The following PPIC variants were observed in gnomAD, a reference collection of about 807,000 sequenced individuals.
The protein encoded by PPIC is peptidylprolyl isomerase C, also known as peptidyl-prolyl cis-trans isomerase C.
PPIC carries 19 observed loss-of-function variants against 19.5 expected under a neutral mutation model. The observed-to-expected ratio is 0.98, with a 90% CI of 0.68 to 1.43. PPIC has a LOEUF of 1.43. Ranked by LOEUF, PPIC falls within the 40% of genes most tolerant of loss-of-function variation. The pLI is 0.00. For synonymous variants in PPIC, 107 were observed against 101.2 expected, an observed-to-expected ratio of 1.06 and a Z score of -0.34; for missense variants, 268 against 268.6, an observed-to-expected ratio of 1.00 and a Z score of 0.02.
At position 123,025,770 on chromosome 5, in the gene PPIC, ATG is replaced by A; in HGVS notation, c.510+12_510+13del. On this transcript the variant is annotated intron_variant, in intron 4 of 4. Transcript: ENST00000306442. ...AATATAAAGCTTTGAAAGGAAAAAA[ATG>A]TATCAATTTACCATCCCATCAATGA... 2 of 1,607,934 alleles carry A rather than the reference ATG, an allele frequency of 1.2e-6. No homozygotes were observed. The highest frequency in any genetic ancestry group is 2.2e-5 in the South Asian group (2 of 89,012).
chr5:123,036,554 C>T lies in PPIC; in HGVS notation c.72G>A (p.Ser24=). 4 of 1,604,534 alleles carry T rather than the reference C, an allele frequency of 2.5e-6. No homozygotes were observed. The highest frequency in any genetic ancestry group is 1.7e-4 in the Middle Eastern group (1 of 6,040). ...CTCGCTTGCGGAAGCCCTCGGCCCCCGAAGAAAACACAAGTGCGCCGAGCC... is the reference window on the plus strand; with the variant it reads ...CTCGCTTGCGGAAGCCCTCGGCCCCTGAAGAAAACACAAGTGCGCCGAGCC... The part of the protein sequence containing the change: ...CVGLGALVFS[S]GAEGFRKRGP... The change falls in exon 1 of 5, where the codon TCG becomes TCA. Residue 24 remains serine, a synonymous_variant. Transcript: ENST00000306442. This position sits in a 1 kb window ranked among gnomAD's most constrained non-coding sequence, Gnocchi z 4.5.
At chr5:123,035,872 T>G (rs910780829) in intron 1 of PPIC, among the ~76,000 whole-genome samples, 1 of 151,350 alleles carries the variant, frequency 6.6e-6, no homozygotes, top group African/African-American at 2.4e-5. Flanking sequence ...GGTCTACAGG[T>G]GCCGCCTTCG....
chr5:123,024,688 G>T (rs999470439), intron 4 of PPIC, among the ~76,000 whole-genome samples: 1 of 152,224 alleles, frequency 6.6e-6, no homozygotes, highest in Admixed American at 6.5e-5. Context: ...TACTAGCTCA[G>T]TTCCCAAACT....
intron 2 of PPIC, 62 bp downstream of exon 2, chr5:123,029,243 A>T: frequency 6.2e-7 from 1 of 1,613,508 alleles, no homozygotes. Flanking sequence ...CTCAGATGAC[A>T]TCTTTATATT....
chr5:123,026,215 G>A (rs984147295), intron 3 of PPIC, among the ~76,000 whole-genome samples: 5 of 152,248 alleles, frequency 3.3e-5, no homozygotes, highest in Admixed American at 3.3e-4. Context: ...ATACTCTCTG[G>A]CCTCATACCA....
At chr5:123,033,120 A>G (rs1317962198) in intron 1 of PPIC, among the ~76,000 whole-genome samples, 1 of 152,250 alleles carries the variant, frequency 6.6e-6, no homozygotes, top group Non-Finnish European at 1.5e-5. Flanking sequence ...TCAGCAAGTT[A>G]ATTAAACTCT....
At chr5:123,035,186 C>T (rs1201846317) in intron 1 of PPIC, among the ~76,000 whole-genome samples, 2 of 152,158 alleles carry the variant, frequency 1.3e-5, no homozygotes, top group African/African-American at 4.8e-5. Context: ...ATATGCAGTT[C>T]CCTTTGCCTC....
Position 123,025,800 on chromosome 5 carries a change from T to C in PPIC, c.494A>G (p.Lys165Arg). The C allele has an allele frequency of 6.2e-7, 1 of 1,613,190 alleles. No individual in the cohort carries two copies. The highest frequency in any genetic ancestry group is 8.5e-7 in the Non-Finnish European group (1 of 1,179,824). Residue 165 changes from lysine to arginine, a missense_variant, in exon 4 of 5, where the codon AAA becomes AGA. Coordinates refer to ENST00000306442, the MANE Select transcript of PPIC (RefSeq NM_000943.5). ...WLDGKHVVFG[K>R]VIDGMTVVHS... ...TCAATTTACCATCCCATCAATGACT[T>C]TTCCAAACACCACATGTTTGCCGTC...
At chr5:123,034,101 G>A (rs9327284) in intron 1 of PPIC, among the ~76,000 whole-genome samples, 24,469 of 152,168 alleles carry the variant, frequency 0.16, 2,453 homozygotes, top group East Asian at 0.35. Context: ...ATTTTTAAAT[G>A]AAATCAGAGG....
Position 123,023,813 on chromosome 5 carries a change from C to T in PPIC, c.*62G>A. 1 of 1,485,238 alleles carries T rather than the reference C, an allele frequency of 6.7e-7. No individual in the cohort carries two copies. The highest frequency in any genetic ancestry group is 1.4e-5 in the South Asian group (1 of 73,972). 92.0% of individuals were successfully genotyped at this position (1,485,238 alleles called of 1,614,324 possible). On this transcript the variant is annotated 3_prime_UTR_variant, in exon 5 of 5. Coordinates refer to ENST00000306442, the MANE Select transcript of PPIC (RefSeq NM_000943.5). The stretch of plus-strand genomic sequence containing the variant: ...AATAATTGAAAGACAACACAACACA[C>T]ACACACACACACACACACACACACC...
chr5:123,035,729 T>A (rs1457861774), intron 1 of PPIC, among the ~76,000 whole-genome samples: 1 of 152,152 alleles, frequency 6.6e-6, no homozygotes, highest in Non-Finnish European at 1.5e-5. Context: ...TCTCCCTGCA[T>A]TCTCCCATTA....
chr5:123,036,671 G>A lies in PPIC; in HGVS notation c.-46C>T, dbSNP rs370012108. On this transcript the variant is annotated 5_prime_UTR_variant, in exon 1 of 5. Transcript: ENST00000306442. This position sits in a 1 kb window ranked among gnomAD's most constrained non-coding sequence, Gnocchi z 4.5. ...CTACCGGCACGGGCGCTACCGGCAC[G>A]GGCGCGACACAGGCTCTGGGACAGC... 93 of 1,494,582 alleles carry A rather than the reference G, an allele frequency of 6.2e-5. No individual in the cohort carries two copies. The highest frequency in any genetic ancestry group is 8.2e-5 in the Non-Finnish European group (90 of 1,100,716). 92.6% of individuals were successfully genotyped at this position (1,494,582 alleles called of 1,614,324 possible).
chr5:123,027,438 T>C (rs1762876621), intron 3 of PPIC, among the ~76,000 whole-genome samples: 1 of 152,198 alleles, frequency 6.6e-6, no homozygotes, highest in Non-Finnish European at 1.5e-5. Flanking sequence ...TCAGTCACCA[T>C]TCCTGCCAGC....
At chr5:123,026,082 G>A (rs1762848787) in intron 3 of PPIC, 114 bp from the exon 4 acceptor site, 1 of 877,160 alleles carries the variant, frequency 1.1e-6, no homozygotes, top group East Asian at 2.8e-5. Context: ...AGGTAGGGAT[G>A]GGGAAGACAT....
In PPIC at chr5:123,028,778, C is replaced by A. The variant is rs1762899656; in HGVS notation, c.322G>T (p.Gly108Trp). Residue 108 changes from glycine to tryptophan, a missense_variant, in exon 3 of 5, where the codon GGG becomes TGG. Coordinates refer to ENST00000306442, the MANE Select transcript of PPIC (RefSeq NM_000943.5). ...AGGAAAAATGCAAAGACGTTACCCCCAGTGCCATCTCCAGTGGTGATGTCA... is the reference window on the plus strand; with the variant it reads ...AGGAAAAATGCAAAGACGTTACCCCAAGTGCCATCTCCAGTGGTGATGTCA... The part of the protein sequence containing the change: ...GGDITTGDGT[G>W]GVSIYGETFP... 6.2e-7 allele frequency: 1 copy of A among 1,610,192 alleles called. No homozygotes were observed. Among genetic ancestry groups the A allele is most frequent in the South Asian group, 1.1e-5 (1 of 90,726 alleles).
Position 123,036,384 on chromosome 5 carries a change from C to T in PPIC, c.117+125G>A, listed in dbSNP as rs1456630655. ...CCCTCCCACCCAGTCCCGCGGCCGC[C>T]TCCAGTCCCCCTGCGCCCGGGAAGC... On this transcript the variant is annotated intron_variant, in intron 1 of 4. Coordinates refer to ENST00000306442, the MANE Select transcript of PPIC (RefSeq NM_000943.5). The surrounding 1 kb of genome is among the most constrained non-coding windows in gnomAD (Gnocchi z 4.5). 1 of 897,970 alleles carries T rather than the reference C, an allele frequency of 1.1e-6. No individual in the cohort carries two copies. The highest frequency in any genetic ancestry group is 1.7e-5 in the African/African-American group (1 of 60,204). 55.6% of individuals were successfully genotyped at this position (897,970 alleles called of 1,614,324 possible). A position where few individuals can be genotyped will look rare whatever the true frequency, so the allele number is the denominator to read the frequency against.
Position 123,025,823 on chromosome 5 carries a change from G to C in PPIC, c.471C>G (p.Asp157Glu). 1 of 1,613,784 alleles carries C rather than the reference G, an allele frequency of 6.2e-7. No homozygotes were observed. Among genetic ancestry groups the C allele is most frequent in the Non-Finnish European group, 8.5e-7 (1 of 1,179,952 alleles). ...FITLTKPTWL[D>E]GKHVVFGKVI... Reference sequence around the variant, plus strand: ...CTTTTCCAAACACCACATGTTTGCCGTCCAACCAGGTGGGCTTGGTCAAGG... The same window carrying C: ...CTTTTCCAAACACCACATGTTTGCCCTCCAACCAGGTGGGCTTGGTCAAGG... The change falls in exon 4 of 5, where the codon GAC (aspartate) becomes GAG (glutamate). Residue 157 changes from aspartate (D) to glutamate (E), a missense_variant. Physicochemically the swap from Asp to Glu is conservative, Grantham distance 45 (BLOSUM62 2). Transcript: ENST00000306442.
chr5:123,028,676 T>TG (rs1762898124), intron 3 of PPIC, 99 bp downstream of exon 3: 2 of 936,828 alleles, frequency 2.1e-6, no homozygotes, highest in Non-Finnish European at 3.2e-6. Flanking sequence ...TTTACAACTG[T>TG]GTTCCTTAGC....
In PPIC at chr5:123,036,714, G is replaced by A; in HGVS notation, c.-89C>T. On this transcript the variant is annotated 5_prime_UTR_variant, in exon 1 of 5. Transcript: ENST00000306442. The surrounding 1 kb of genome is among the most constrained non-coding windows in gnomAD (Gnocchi z 4.5). ...GGGACAGCTGACGGGACTGCCGGCC[G>A]GCTGCGCCTGCGCGCTCCCGGTTGC... The A allele has an allele frequency of 1.8e-6, 2 of 1,135,918 alleles. No homozygotes were observed. Among genetic ancestry groups the A allele is most frequent in the Admixed American group, 4.6e-5 (2 of 43,242 alleles). The allele number at this position is 1,135,918 out of a possible 1,614,324, so 70.4% of individuals were successfully genotyped here. A position where few individuals can be genotyped will look rare whatever the true frequency, so the allele number is the denominator to read the frequency against.
Sources: allele counts gnomAD v4.1 joint callset (sites outside exome capture counted in the v4.1 genomes callset), GRCh38; gene constraint gnomAD v4.1.1; non-coding constraint Gnocchi (gnomAD v3.1); transcripts MANE v1.5; gene names NCBI Gene and HGNC (gene_info 2026-07-23, HGNC 2026-07-21).